TKT: variants seen among roughly 807,000 people sequenced by gnomAD.
TKT encodes the protein transketolase.
Under a neutral mutation model 63.9 loss-of-function variants are expected in TKT, and 47 were observed. That is an observed-to-expected ratio of 0.74 (90% confidence interval 0.58 to 0.94). TKT has a LOEUF of 0.94. TKT is among the 40% of genes least tolerant of loss of function. The pLI is 0.00. For missense variants in TKT, 721 were observed against 846.2 expected, an observed-to-expected ratio of 0.85 and a Z score of 1.84; for synonymous variants, 338 against 334.1, an observed-to-expected ratio of 1.01 and a Z score of -0.13.
intron 1 of TKT, among the ~76,000 whole-genome samples, chr3:53,253,079 T>G (rs1456447290): frequency 6.6e-6 from 1 of 152,028 alleles, no homozygotes; most frequent in Non-Finnish European, 1.5e-5. Flanking sequence ...GACCTTCAGG[T>G]GATCCACTCG....
intron 1 of TKT, among the ~76,000 whole-genome samples, chr3:53,243,263 C>A (rs1372615512): frequency 6.6e-6 from 1 of 152,088 alleles, no homozygotes; most frequent in Non-Finnish European, 1.5e-5. Context: ...GCCCTCTGGT[C>A]CCAGGGTTTT....
intron 1 of TKT, among the ~76,000 whole-genome samples, chr3:53,247,765 C>T (rs1705582675): frequency 6.6e-6 from 1 of 152,064 alleles, no homozygotes; most frequent in African/African-American, 2.4e-5. Flanking sequence ...CGGAAAGAAC[C>T]TCTGGCTCCA....
chr3:53,226,978 A>C, intron 12 of TKT, 100 bp from the exon 13 acceptor site: 2 of 1,434,366 alleles, frequency 1.4e-6, no homozygotes, highest in Non-Finnish European at 1.9e-6. Flanking sequence ...GCGTGTAGCT[A>C]AGAGCTCAGC....
chr3:53,234,972 C>A lies in TKT; in HGVS notation c.629+11G>T. On this transcript the variant is annotated intron_variant, in intron 5 of 13. Coordinates refer to ENST00000462138, the MANE Select transcript of TKT (RefSeq NM_001064.4). ...GCTGTGACCACACTCAGGCCACAGCCTCGTACATACCCGAAGGCCTCGCAC... is the reference window on the plus strand; with the variant it reads ...GCTGTGACCACACTCAGGCCACAGCATCGTACATACCCGAAGGCCTCGCAC... The A allele has an allele frequency of 6.2e-7, 1 of 1,606,396 alleles. No individual in the cohort carries two copies. The highest frequency in any genetic ancestry group is 8.5e-7 in the Non-Finnish European group (1 of 1,175,556).
intron 2 of TKT, 75 bp from the exon 3 acceptor site, chr3:53,241,320 A>C (rs1249613671): frequency 1.5e-6 from 2 of 1,332,618 alleles, no homozygotes; most frequent in Non-Finnish European, 1.0e-6. Flanking sequence ...CTTCACACTG[A>C]CCCCTGGGGC....
chr3:53,225,891 C>T lies in TKT; in HGVS notation c.1737G>A (p.Glu579=). 6.2e-7 allele frequency: 1 copy of T among 1,613,774 alleles called. No individual in the cohort carries two copies. Among genetic ancestry groups the T allele is most frequent in the Non-Finnish European group, 8.5e-7 (1 of 1,179,972 alleles). The stretch of plus-strand genomic sequence containing the variant: ...CCAGGTGGGTGACAGTGATGCCAGG[C>T]TCGCCCACTACTGCACTGGACACAG... ...GEAVSSAVVG[E]PGITVTHLAV... is the part of the protein sequence containing the mutation. Residue 579 remains glutamate (E), a synonymous_variant, in exon 14 of 14, where the codon GAG becomes GAA. Transcript: ENST00000462138.
intron 1 of TKT, among the ~76,000 whole-genome samples, chr3:53,243,835 C>T (rs1429279771): frequency 2.6e-5 from 4 of 152,306 alleles, no homozygotes; most frequent in Middle Eastern, 3.4e-3. Context: ...TTTCTAAAGC[C>T]ATGGTCCCAT....
chr3:53,248,179 A>C (rs145724992), intron 1 of TKT, among the ~76,000 whole-genome samples: 7 of 152,330 alleles, frequency 4.6e-5, no homozygotes, highest in African/African-American at 1.4e-4. Context: ...ATATTAGACT[A>C]TGCTTCATTC....
intron 1 of TKT, among the ~76,000 whole-genome samples, chr3:53,246,250 AGAGT>A (rs1705498148): frequency 6.6e-6 from 1 of 152,174 alleles, no homozygotes. Flanking sequence ...ACTCGGTGAC[AGAGT>A]GAGACTCCAT....
At chr3:53,246,527 T>C (rs142135274) in intron 1 of TKT, among the ~76,000 whole-genome samples, 1,731 of 152,272 alleles carry the variant, frequency 0.011, 19 homozygotes, top group African/African-American at 0.038. Flanking sequence ...GAAGACCATA[T>C]TGATTTATGT....
chr3:53,237,563 C>T (rs1705090909), intron 4 of TKT, among the ~76,000 whole-genome samples: 1 of 151,198 alleles, frequency 6.6e-6, no homozygotes. Flanking sequence ...AAGCTTTTCT[C>T]ATGATAACAT....
intron 1 of TKT, 111 bp from the exon 2 acceptor site, chr3:53,242,353 C>T (rs1705320301): frequency 9.7e-7 from 1 of 1,031,790 alleles, no homozygotes. Context: ...GTCACACAGG[C>T]CTGGCTTATC....
chr3:53,225,360 T>C lies in TKT; in HGVS notation c.*396A>G, dbSNP rs1442123331. 2 of 157,704 alleles carry C rather than the reference T, an allele frequency of 1.3e-5. No individual in the cohort carries two copies. The highest frequency in any genetic ancestry group is 1.8e-4 in the East Asian group (1 of 5,464). 9.8% of individuals were successfully genotyped at this position (157,704 alleles called of 1,614,324 possible). A position where few individuals can be genotyped will look rare whatever the true frequency, so the allele number is the denominator to read the frequency against. On this transcript the variant is annotated 3_prime_UTR_variant, in exon 14 of 14. Coordinates refer to ENST00000462138, the MANE Select transcript of TKT (RefSeq NM_001064.4). ...CTGGTCAGCTTCCAGACTGAGGCAG[T>C]TCCCCAGCCCGCTCAGGGCCAGGTG...
intron 13 of TKT, chr3:53,226,382 G>A: frequency 3.5e-6 from 1 of 288,904 alleles, no homozygotes; most frequent in South Asian, 4.1e-5. Flanking sequence ...AGGCTGGTGT[G>A]TACTTAGGGA....
At chr3:53,253,006 A>AT (rs1705826942) in intron 1 of TKT, among the ~76,000 whole-genome samples, 1 of 151,878 alleles carries the variant, frequency 6.6e-6, no homozygotes, top group African/African-American at 2.4e-5. Flanking sequence ...CGTCCAGCTA[A>AT]TTTTTTGTAT....
At chr3:53,234,907 C>T in intron 5 of TKT, 76 bp downstream of exon 5, 2 of 1,448,582 alleles carry the variant, frequency 1.4e-6, no homozygotes, top group Non-Finnish European at 9.3e-7. Flanking sequence ...AGCTCCTGCA[C>T]CTGCACCTGC....
Position 53,229,295 on chromosome 3 carries a change from AG to A in TKT, c.1248del (p.Cys417AlafsTer15), listed in dbSNP as rs782303732. ...CTAAACTCACCGATGGAAACGCCGC[AG>A]TGGGAGCCGCAGAGGTTGATGTTGC... ...SESNINLCGS[H>X]CGVSIGEDGP... On this transcript the variant is annotated frameshift_variant, in exon 9 of 14. Coordinates refer to ENST00000462138, the MANE Select transcript of TKT (RefSeq NM_001064.4). LOFTEE classifies it high-confidence loss of function. 1.9e-6 allele frequency: 3 copies of A among 1,613,874 alleles called. No homozygotes were observed. Among genetic ancestry groups the A allele is most frequent in the East Asian group, 4.5e-5 (2 of 44,862 alleles).
chr3:53,232,358 A>C (rs1239312740), intron 6 of TKT: 1 of 398,810 alleles, frequency 2.5e-6, no homozygotes, highest in Middle Eastern at 6.3e-4. Context: ...GCACTGCCAA[A>C]CCCCCACTCA....
Position 53,226,741 on chromosome 3 carries a change from C to G in TKT, c.1696+15G>C. ...CCTGTCCCTTGCCCAGCCTGCCTGC[C>G]CCAGGCCTCCTTACCTTCATAATAA... On this transcript the variant is annotated intron_variant, in intron 13 of 13. Coordinates refer to ENST00000462138, the MANE Select transcript of TKT (RefSeq NM_001064.4). 1.2e-6 allele frequency: 2 copies of G among 1,614,114 alleles called. No homozygotes were observed. The highest frequency in any genetic ancestry group is 2.2e-5 in the East Asian group (1 of 44,874).
Sources: gnomAD v4.1 joint callset for allele counts (sites outside exome capture counted in the v4.1 genomes callset) on GRCh38, gnomAD v4.1.1 for gene constraint, MANE v1.5 for transcripts, NCBI Gene and HGNC (gene_info 2026-07-23, HGNC 2026-07-21) for gene names.